Variants in PKP4 observed in about 807,000 individuals in gnomAD.
PKP4 encodes plakophilin 4.
Under a neutral mutation model 145.1 loss-of-function variants are expected in PKP4, and 90 were observed. The ratio of observed to expected loss-of-function variants is 0.62; its 90% CI spans 0.52 to 0.74. The LOEUF is 0.74. Among genes scored for constraint, PKP4 ranks in the 30% least tolerant of loss-of-function variants. PKP4 has a pLI of 0.00. For synonymous variants in PKP4, 563 were observed against 577.2 expected (o/e 0.98, Z 0.35); for missense variants, 1,340 against 1,482.7 (o/e 0.90, Z 1.58).
intron 17 of PKP4, among the ~76,000 whole-genome samples, chr2:158,673,152 G>A (rs1012756086): frequency 6.6e-6 from 1 of 152,180 alleles, no homozygotes; most frequent in Non-Finnish European, 1.5e-5. Flanking sequence ...CTCAGAGAGG[G>A]GAAATAATAT....
intron 4 of PKP4, among the ~76,000 whole-genome samples, chr2:158,616,631 A>G (rs1164771456): frequency 6.6e-6 from 1 of 151,754 alleles, no homozygotes; most frequent in Non-Finnish European, 1.5e-5. Flanking sequence ...CTCACACCAC[A>G]CTGTCTTTTA....
intron 4 of PKP4, among the ~76,000 whole-genome samples, chr2:158,619,937 ACACACACG>A (rs79175653): frequency 2.2e-5 from 1 of 46,276 alleles, no homozygotes; most frequent in Non-Finnish European, 6.0e-5. Flanking sequence ...CCAGACACAC[ACACACACG>A]CACACACACA....
intron 1 of PKP4, among the ~76,000 whole-genome samples, chr2:158,473,612 GT>G (rs971461994): frequency 6.6e-6 from 1 of 151,798 alleles, no homozygotes; most frequent in African/African-American, 2.4e-5. Flanking sequence ...ATGATGAGAA[GT>G]CACAGACACA....
intron 3 of PKP4, among the ~76,000 whole-genome samples, chr2:158,583,570 G>C (rs1441380944): frequency 6.6e-6 from 1 of 152,114 alleles, no homozygotes; most frequent in East Asian, 1.9e-4. Context: ...ACCCTTTGTA[G>C]TGTAGTTTTA....
chr2:158,590,304 A>ATTTC (rs2049143513), intron 3 of PKP4, among the ~76,000 whole-genome samples: 2 of 120,326 alleles, frequency 1.7e-5, no homozygotes, highest in African/African-American at 3.0e-5. Flanking sequence ...CCAAGGAGGA[A>ATTTC]TGTCTTGAGT....
intron 16 of PKP4, 85 bp from the exon 17 acceptor site, chr2:158,669,635 A>G (rs2057392467): frequency 3.7e-6 from 4 of 1,090,400 alleles, no homozygotes; most frequent in Middle Eastern, 2.5e-4. Context: ...TATTTTTAAG[A>G]GATTGCATGC....
chr2:158,579,883 A>G (rs1290059373), intron 3 of PKP4, among the ~76,000 whole-genome samples: 2 of 152,096 alleles, frequency 1.3e-5, no homozygotes, highest in Non-Finnish European at 2.9e-5. Flanking sequence ...CTATATATAT[A>G]GCAATACTGC....
At chr2:158,580,887 C>T (rs3821292) in intron 3 of PKP4, among the ~76,000 whole-genome samples, 30,119 of 152,178 alleles carry the variant, frequency 0.2, 3,841 homozygotes, top group Middle Eastern at 0.36. Context: ...ATCTGAATTC[C>T]CATCACTGTT....
intron 1 of PKP4, among the ~76,000 whole-genome samples, chr2:158,496,269 C>T (rs762326468): frequency 6.6e-6 from 1 of 152,174 alleles, no homozygotes; most frequent in Non-Finnish European, 1.5e-5. Flanking sequence ...GCTTGAGCCA[C>T]TGCGCCTGGC....
At chr2:158,522,002 TATCA>T (rs1445241654) in intron 1 of PKP4, among the ~76,000 whole-genome samples, 1 of 152,228 alleles carries the variant, frequency 6.6e-6, no homozygotes, top group Non-Finnish European at 1.5e-5. Context: ...TATTTTGTCA[TATCA>T]GTTTTGAAAT....
In PKP4 at chr2:158,640,642, T is replaced by C. The variant is rs775725862; in HGVS notation, c.1578T>C (p.Arg526=). Reference sequence around the variant, plus strand: ...TCTCATGTAGGGAGTTTGCCTGGCGTGATCCTGAGTTGCCTGAGGTCATTC... The same window carrying C: ...TCTCATGTAGGGAGTTTGCCTGGCGCGATCCTGAGTTGCCTGAGGTCATTC... ...IQKDPREFAW[R]DPELPEVIHM... Residue 526 remains arginine (R), a synonymous_variant, in exon 10 of 22, where the codon CGT becomes CGC. Transcript: ENST00000389759. 8.1e-6 allele frequency: 13 copies of C among 1,613,576 alleles called. No homozygotes were observed. The highest frequency in any genetic ancestry group is 1.1e-5 in the Non-Finnish European group (13 of 1,179,978).
At chr2:158,538,522 G>A (rs1489912247) in intron 2 of PKP4, among the ~76,000 whole-genome samples, 1 of 149,184 alleles carries the variant, frequency 6.7e-6, no homozygotes, top group Non-Finnish European at 1.5e-5. Flanking sequence ...TACTTTTCAG[G>A]CTCTCTAACC....
At chr2:158,519,349 C>G (rs984466329) in intron 1 of PKP4, among the ~76,000 whole-genome samples, 9 of 152,290 alleles carry the variant, frequency 5.9e-5, no homozygotes, top group African/African-American at 2.2e-4. Context: ...TCTACCTGTT[C>G]CACTTTACTT....
At chr2:158,578,951 A>T (rs912047145) in intron 3 of PKP4, among the ~76,000 whole-genome samples, 4 of 152,238 alleles carry the variant, frequency 2.6e-5, no homozygotes, top group African/African-American at 9.6e-5. Context: ...AGTAAGCACT[A>T]GAGGTGGATT....
intron 20 of PKP4, among the ~76,000 whole-genome samples, chr2:158,678,309 C>T (rs891108739): frequency 5.9e-5 from 9 of 152,216 alleles, no homozygotes; most frequent in African/African-American, 9.6e-5. Context: ...GGAACCTTTG[C>T]GCATGGGCTC....
intron 1 of PKP4, among the ~76,000 whole-genome samples, chr2:158,471,409 A>G (rs1259706046): frequency 6.6e-6 from 1 of 152,242 alleles, no homozygotes; most frequent in East Asian, 1.9e-4. Flanking sequence ...TAATTTTTAC[A>G]GTCAAGAACA....
intron 1 of PKP4, among the ~76,000 whole-genome samples, chr2:158,466,704 C>T (rs1023262451): frequency 2.0e-5 from 3 of 152,092 alleles, no homozygotes; most frequent in African/African-American, 7.2e-5. Flanking sequence ...AACTCCATTT[C>T]AAAAAGAAAT....
chr2:158,658,107 G>C, intron 11 of PKP4, 24 bp from the exon 12 acceptor site: 1 of 1,373,086 alleles, frequency 7.3e-7, no homozygotes, highest in Non-Finnish European at 1.0e-6. Flanking sequence ...CTATTTGTTT[G>C]ATTTTTTAAA....
chr2:158,532,194 A>C (rs1040433550), intron 1 of PKP4, among the ~76,000 whole-genome samples: 4 of 152,232 alleles, frequency 2.6e-5, no homozygotes, highest in African/African-American at 9.6e-5. Flanking sequence ...AGTAGTTTGC[A>C]AGAGAAAACT....
Sources: gnomAD v4.1 joint callset for allele counts (sites outside exome capture counted in the v4.1 genomes callset) on GRCh38, gnomAD v4.1.1 for gene constraint, MANE v1.5 for transcripts, NCBI Gene and HGNC (gene_info 2026-07-23, HGNC 2026-07-21) for gene names.